The following ZNF678 variants were observed in gnomAD, a reference collection of about 807,000 sequenced individuals.
ZNF678 encodes zinc finger protein 678.
A neutral mutation model predicts 3.0 loss-of-function variants in ZNF678; 5 were observed. The ratio of observed to expected loss-of-function variants is 1.69; its 90% CI spans 0.88 to 3.56. ZNF678 has a LOEUF of 3.56. Ranked by LOEUF, ZNF678 falls within the 30% of genes most tolerant of loss-of-function variation. ZNF678 has a pLI of 0.00. For missense variants in ZNF678, 593 were observed against 605.0 expected, an observed-to-expected ratio of 0.98 and a Z score of 0.21; for synonymous variants, 218 against 199.6, an observed-to-expected ratio of 1.09 and a Z score of -0.78.
intron 1 of ZNF678, among the ~76,000 whole-genome samples, chr1:227,601,805 TGCCTGCCTCA>T (rs1349994797): frequency 1.3e-5 from 2 of 152,110 alleles, no homozygotes; most frequent in Non-Finnish European, 2.9e-5. Flanking sequence ...CCTCGTGACC[TGCCTGCCTCA>T]GCCTCCCAAA....
At chr1:227,629,083 G>C (rs1224459841) in intron 1 of ZNF678, among the ~76,000 whole-genome samples, 1 of 152,188 alleles carries the variant, frequency 6.6e-6, no homozygotes, top group Non-Finnish European at 1.5e-5. Flanking sequence ...ACTGTCCATT[G>C]GGTTTCTGTA....
At chr1:227,667,607 T>C (rs1330565725) in intron 5 of ZNF678, among the ~76,000 whole-genome samples, 1 of 152,228 alleles carries the variant, frequency 6.6e-6, no homozygotes, top group African/African-American at 2.4e-5. Context: ...AGCTGTTTTC[T>C]CACATAATTA....
chr1:227,673,437 C>T (rs1558165237), intron 5 of ZNF678, among the ~76,000 whole-genome samples: 2 of 152,144 alleles, frequency 1.3e-5, no homozygotes, highest in African/African-American at 2.4e-5. Flanking sequence ...AGAAATAAAA[C>T]AAAATTGGAG....
intron 5 of ZNF678, among the ~76,000 whole-genome samples, chr1:227,672,514 C>G (rs909161202): frequency 6.6e-6 from 1 of 152,120 alleles, no homozygotes; most frequent in Non-Finnish European, 1.5e-5. Flanking sequence ...CTGGGAAACT[C>G]AGGTGGAGAC....
chr1:227,655,102 G>A lies in ZNF678; in HGVS notation c.852G>A (p.Arg284=), dbSNP rs776273063. ...AGTGCTCACACCTAACTAGACATAG[G>A]AGAATTCATACTGGAGAGAAACCCT... is the stretch of plus-strand genomic sequence containing the variant. ...FNECSHLTRH[R]RIHTGEKPYK... is the part of the protein sequence containing the mutation. The change falls in exon 4 of 4, where the codon AGG becomes AGA. Residue 284 remains arginine, a synonymous_variant. Transcript: ENST00000343776. The A allele has an allele frequency of 1.2e-6, 2 of 1,612,460 alleles. No individual in the cohort carries two copies. The highest frequency in any genetic ancestry group is 2.2e-5 in the South Asian group (2 of 91,032).
chr1:227,582,856 A>G (rs987108667), intron 1 of ZNF678, among the ~76,000 whole-genome samples: 1 of 152,162 alleles, frequency 6.6e-6, no homozygotes. Context: ...TACTTACTGC[A>G]CTGTCAACTT....
downstream of ZNF678, among the ~76,000 whole-genome samples, chr1:227,666,797 T>G (rs1180702883): frequency 6.9e-6 from 1 of 145,390 alleles, no homozygotes; most frequent in Non-Finnish European, 1.5e-5. Context: ...CAGGCTGGAG[T>G]GCAATGGCAG....
intron 1 of ZNF678, among the ~76,000 whole-genome samples, chr1:227,630,648 A>G (rs1658525587): frequency 6.6e-6 from 1 of 152,058 alleles, no homozygotes; most frequent in African/African-American, 2.4e-5. Context: ...AGGTACATGC[A>G]CTCTGACTGG....
At position 227,563,714 on chromosome 1, in the gene ZNF678, G is replaced by T; in HGVS notation, c.-174G>T. 7.5e-7 allele frequency: 1 copy of T among 1,330,472 alleles called. No homozygotes were observed. Among genetic ancestry groups the T allele is most frequent in the East Asian group, 4.9e-5 (1 of 20,388 alleles). The allele number at this position is 1,330,472 out of a possible 1,614,324, so 82.4% of individuals were successfully genotyped here. A position where few individuals can be genotyped will look rare whatever the true frequency, so the allele number is the denominator to read the frequency against. ...GCTAAGATGCCAGGACACCCCGAAA[G>T]CCGGAAAACGGTGAGAGTTCCCGGG... is the stretch of plus-strand genomic sequence containing the variant. On this transcript the variant is annotated 5_prime_UTR_variant, in exon 1 of 4. Coordinates refer to ENST00000343776, the MANE Select transcript of ZNF678 (RefSeq NM_001367909.1).
chr1:227,569,339 AT>A lies in ZNF678; in HGVS notation c.-164+5623del, dbSNP rs1192511094. On this transcript the variant is annotated intron_variant, in intron 1 of 3. Transcript: ENST00000343776. ...CTTCTGCTTCTTGAAATATATGCAA[AT>A]TTTTTTTACCAGCTAAATAAATTTG... 3.9e-5 allele frequency among the ~76,000 whole-genome samples: 6 copies of A among 151,988 alleles called. No individual in the cohort carries two copies. In the South Asian group the frequency reaches 8.3e-4, roughly 21 times the overall value.
At chr1:227,605,013 G>A (rs1404755660) in intron 1 of ZNF678, among the ~76,000 whole-genome samples, 4 of 151,988 alleles carry the variant, frequency 2.6e-5, no homozygotes, top group African/African-American at 2.4e-5. Flanking sequence ...CCACCACCAC[G>A]CCCAACTAAT....
chr1:227,577,548 G>A (rs1571860399), intron 1 of ZNF678, among the ~76,000 whole-genome samples: 3 of 152,258 alleles, frequency 2.0e-5, no homozygotes, highest in East Asian at 1.9e-4. Flanking sequence ...TCAGGAACTA[G>A]GATTGCAAAC....
In ZNF678 at chr1:227,600,843, C is replaced by A. The variant is rs555993160; in HGVS notation, c.-164+37119C>A. 5.3e-5 allele frequency among the ~76,000 whole-genome samples: 8 copies of A among 152,304 alleles called. No individual in the cohort carries two copies. In the East Asian group the frequency reaches 1.4e-3, roughly 26 times the overall value. On this transcript the variant is annotated intron_variant, in intron 1 of 3. Transcript: ENST00000343776. ...GTGCAATTGCTTTTGGCATCTTCGT[C>A]ATGAAATCTTTGCCTGTCTGTATGT...
At chr1:227,664,363 C>T (rs75634579), downstream of ZNF678, among the ~76,000 whole-genome samples, 167 of 152,178 alleles carry the variant, frequency 1.1e-3, 2 homozygotes, top group East Asian at 0.015. Context: ...CTAAGGCTTC[C>T]GACACTTGAT....
chr1:227,581,255 A>G (rs1657122368), intron 1 of ZNF678, among the ~76,000 whole-genome samples: 1 of 151,930 alleles, frequency 6.6e-6, no homozygotes, highest in Non-Finnish European at 1.5e-5. Context: ...CATAAGTTAT[A>G]AGTATATAGC....
intron 1 of ZNF678, among the ~76,000 whole-genome samples, chr1:227,637,040 G>A (rs1324978874): frequency 6.6e-6 from 1 of 152,176 alleles, no homozygotes; most frequent in East Asian, 1.9e-4. Context: ...GGCTTTAATA[G>A]TGTGTGTTTG....
downstream of ZNF678, among the ~76,000 whole-genome samples, chr1:227,666,519 C>T (rs1269214333): frequency 6.6e-6 from 1 of 152,080 alleles, no homozygotes; most frequent in African/African-American, 2.4e-5. Flanking sequence ...ATCAAACAGG[C>T]CATAAATTAC....
At chr1:227,637,345 T>C (rs1658704934) in intron 1 of ZNF678, among the ~76,000 whole-genome samples, 1 of 152,306 alleles carries the variant, frequency 6.6e-6, no homozygotes, top group African/African-American at 2.4e-5. Flanking sequence ...ACTTAGTACA[T>C]TGCGGTGAGC....
intron 1 of ZNF678, among the ~76,000 whole-genome samples, chr1:227,573,344 C>T (rs952435555): frequency 2.0e-5 from 3 of 152,148 alleles, no homozygotes; most frequent in African/African-American, 7.2e-5. Context: ...GAAAGTAGCA[C>T]TATTATTATA....
Sources: allele counts gnomAD v4.1 joint callset (sites outside exome capture counted in the v4.1 genomes callset), GRCh38; gene constraint gnomAD v4.1.1; transcripts MANE v1.5; gene names NCBI Gene and HGNC (gene_info 2026-07-23, HGNC 2026-07-21).